CNTNAP1: variants seen among roughly 807,000 people sequenced by gnomAD.
CNTNAP1 encodes contactin-associated protein 1.
A neutral mutation model predicts 161.5 loss-of-function variants in CNTNAP1; 80 were observed. The observed-to-expected ratio is 0.50, with a 90% CI of 0.41 to 0.60. The LOEUF (loss-of-function observed/expected upper bound fraction) is 0.60, where lower values mean the gene tolerates loss of function less well. CNTNAP1 is among the 20% of genes least tolerant of loss of function. The pLI is 0.00. For missense variants in CNTNAP1, 1,464 were observed against 1,854.8 expected (o/e 0.79, Z 3.87); for synonymous variants, 695 against 733.1 (o/e 0.95, Z 0.84).
chr17:42,686,949 A>G lies in CNTNAP1; in HGVS notation c.947A>G (p.Tyr316Cys), dbSNP rs2053024318. 3 of 1,613,846 alleles carry G rather than the reference A, an allele frequency of 1.9e-6. No individual in the cohort carries two copies. Among genetic ancestry groups the G allele is most frequent in the Non-Finnish European group, 2.5e-6 (3 of 1,179,832 alleles). The change falls in exon 7 of 24, where the codon TAT (tyrosine) becomes TGT (cysteine). Residue 316 changes from tyrosine (Y) to cysteine (C), a missense_variant. Tyr to Cys is a radical substitution (Grantham distance 194). Coordinates refer to ENST00000264638, the MANE Select transcript of CNTNAP1 (RefSeq NM_003632.3). ...LVGAARKNLA[Y>C]RHNFRGCIEN... ...GGCGCCGCGCGGAAGAACCTGGCCTATCGGCATAACTTCCGCGGCTGCATA... is the reference window on the plus strand; with the variant it reads ...GGCGCCGCGCGGAAGAACCTGGCCTGTCGGCATAACTTCCGCGGCTGCATA...
At position 42,685,762 on chromosome 17, in the gene CNTNAP1, G is replaced by T. The variant is rs192603703; in HGVS notation, c.716-195G>T. Among the ~76,000 whole-genome samples, 7 of 152,304 alleles carry T rather than the reference G, an allele frequency of 4.6e-5. No homozygotes were observed. The highest frequency in any genetic ancestry group is 1.0e-4 in the Non-Finnish European group (7 of 68,028). ...CGCACATGAAATAGAAGCAGCTCATGTGTTCCCAGTTTTACAGACAGGAAG... is the reference window on the plus strand; with the variant it reads ...CGCACATGAAATAGAAGCAGCTCATTTGTTCCCAGTTTTACAGACAGGAAG... On this transcript the variant is annotated intron_variant, in intron 5 of 23. Transcript: ENST00000264638. This position sits in a 1 kb window ranked among gnomAD's most constrained non-coding sequence, Gnocchi z 5.0.
intron 18 of CNTNAP1, among the ~76,000 whole-genome samples, chr17:42,693,743 T>G (rs1216308928): frequency 6.6e-6 from 1 of 152,142 alleles, no homozygotes; most frequent in Non-Finnish European, 1.5e-5. Context: ...TACAGATAGC[T>G]GGTGCAAAAA....
At chr17:42,683,078 G>GCGCC (rs2052957981) in intron 1 of CNTNAP1, 182 bp downstream of exon 1, 2 of 655,586 alleles carry the variant, frequency 3.1e-6, no homozygotes, top group Non-Finnish European at 2.5e-6. Context: ...GCTGCCGCGC[G>GCGCC]CGCCCGGGGC....
chr17:42,688,970 C>T lies in CNTNAP1; in HGVS notation c.1551C>T (p.Val517=), dbSNP rs2053052550. The T allele has an allele frequency of 6.2e-7, 1 of 1,613,634 alleles. No individual in the cohort carries two copies. Among genetic ancestry groups the T allele is most frequent in the Non-Finnish European group, 8.5e-7 (1 of 1,179,778 alleles). Reference sequence around the variant, plus strand: ...TGCTCAAGGTGGATGGTCAACTGGTCAACCTGACTCTGGTGGAGGGCCGGC... The same window carrying T: ...TGCTCAAGGTGGATGGTCAACTGGTTAACCTGACTCTGGTGGAGGGCCGGC... ...MELLKVDGQL[V]NLTLVEGRRL... is the part of the protein sequence containing the mutation. Residue 517 remains valine (V), a synonymous_variant, in exon 10 of 24, where the codon GTC becomes GTT. Transcript: ENST00000264638.
chr17:42,699,164 A>C lies in CNTNAP1; in HGVS notation c.*254A>C, dbSNP rs2053194991. The C allele has an allele frequency of 7.2e-6, 3 of 415,968 alleles. No individual in the cohort carries two copies. The highest frequency in any genetic ancestry group is 4.1e-5 in the Admixed American group (1 of 24,426). 25.8% of individuals were successfully genotyped at this position (415,968 alleles called of 1,614,324 possible). ...GCTCCTGGCTGTTTATCTGCCCCAA[A>C]GGAGAAGCCTCATGGGGTTGACATA... On this transcript the variant is annotated 3_prime_UTR_variant, in exon 24 of 24. Coordinates refer to ENST00000264638, the MANE Select transcript of CNTNAP1 (RefSeq NM_003632.3).
In CNTNAP1 at chr17:42,697,967, A is replaced by C. The variant is rs763116460; in HGVS notation, c.3862+17A>C. ...TTTTAGGCTGTGAGTAGCACTGATC[A>C]CTAAGCTGACCTCCCAAGACTACCC... On this transcript the variant is annotated intron_variant, in intron 23 of 23. Coordinates refer to ENST00000264638, the MANE Select transcript of CNTNAP1 (RefSeq NM_003632.3). The C allele has an allele frequency of 5.0e-6, 8 of 1,614,084 alleles. No homozygotes were observed. The South Asian group carries it at 8.8e-5, about 18-fold the overall frequency.
chr17:42,689,371 T>C (rs1022772528), intron 10 of CNTNAP1, 150 bp from the exon 11 acceptor site: 2 of 632,270 alleles, frequency 3.2e-6, no homozygotes, highest in African/African-American at 3.7e-5. Flanking sequence ...CTAGTGCCCC[T>C]GCATCTGCGC....
chr17:42,695,718 C>A lies in CNTNAP1; in HGVS notation c.3190C>A (p.Arg1064=). The A allele has an allele frequency of 3.1e-6, 5 of 1,614,168 alleles. No homozygotes were observed. Among genetic ancestry groups the A allele is most frequent in the Non-Finnish European group, 4.2e-6 (5 of 1,180,024 alleles). Residue 1064 remains arginine (R), a synonymous_variant, in exon 19 of 24, where the codon CGG becomes AGG. Coordinates refer to ENST00000264638, the MANE Select transcript of CNTNAP1 (RefSeq NM_003632.3). ...CGGGTACCGCCTGCCCGACTACCCC[C>A]GGCCTGGTCGGCCTGTGCCCGGTTA... ...GPGYRLPDYP[R]PGRPVPGYRG... is the part of the protein sequence containing the mutation.
Position 42,691,747 on chromosome 17 carries a change from C to T in CNTNAP1, c.2345-59C>T, listed in dbSNP as rs1203531724. On this transcript the variant is annotated intron_variant, in intron 15 of 23. Coordinates refer to ENST00000264638, the MANE Select transcript of CNTNAP1 (RefSeq NM_003632.3). The surrounding 1 kb of genome is among the most constrained non-coding windows in gnomAD (Gnocchi z 4.3). ...CCTTCCCTGCCCCCAACCCCAGGTT[C>T]TCTTCCTCCTCCACCCTCCAATCTC... is the stretch of plus-strand genomic sequence containing the variant. 5 of 1,566,738 alleles carry T rather than the reference C, an allele frequency of 3.2e-6. No homozygotes were observed. The highest frequency in any genetic ancestry group is 4.4e-6 in the Non-Finnish European group (5 of 1,141,146).
rs1334757465 is a variant in CNTNAP1 at position 42,685,916 on chromosome 17, C to T, written c.716-41C>T. The stretch of plus-strand genomic sequence containing the variant: ...CTAGGAGCTTGGACTCCATGGAGTT[C>T]TCCTGGCTTGAGGTTTCACTCTGTC... On this transcript the variant is annotated intron_variant, in intron 5 of 23. Coordinates refer to ENST00000264638, the MANE Select transcript of CNTNAP1 (RefSeq NM_003632.3). The surrounding 1 kb of genome is among the most constrained non-coding windows in gnomAD (Gnocchi z 5.0). The T allele has an allele frequency of 6.2e-7, 1 of 1,604,806 alleles. No individual in the cohort carries two copies. Among genetic ancestry groups the T allele is most frequent in the Non-Finnish European group, 8.5e-7 (1 of 1,173,074 alleles).
chr17:42,699,691 T>C lies in CNTNAP1; in HGVS notation c.*781T>C, dbSNP rs2053202225. ...TCCTCCGCTCAGAGATGCTGCTTCA[T>C]TTACCCAGGAGGTCATATTCTTTAT... On this transcript the variant is annotated 3_prime_UTR_variant, in exon 24 of 24. Coordinates refer to ENST00000264638, the MANE Select transcript of CNTNAP1 (RefSeq NM_003632.3). 6.5e-6 allele frequency: 1 copy of C among 152,830 alleles called. No individual in the cohort carries two copies. The highest frequency in any genetic ancestry group is 2.1e-4 in the South Asian group (1 of 4,836). 9.5% of individuals were successfully genotyped at this position (152,830 alleles called of 1,614,324 possible). A position where few individuals can be genotyped will look rare whatever the true frequency, so the allele number is the denominator to read the frequency against.
chr17:42,685,969 T>C lies in CNTNAP1; in HGVS notation c.728T>C (p.Ile243Thr). ...GCCCCACCCTCAGGCAGCAGCCCTA[T>C]CCAGCCAAGACCAGGTCACACCACC... ...LLHMSLGSSP[I>T]QPRPGHTTVS... The change falls in exon 6 of 24, where the codon ATC becomes ACC. Residue 243 changes from isoleucine to threonine, a missense_variant. Physicochemically the swap from Ile to Thr is moderately conservative, Grantham distance 89 (BLOSUM62 -1). This residue lies in a region of CNTNAP1 where 1,383 missense variants were observed against 1,765.0 expected (regional missense o/e 0.78). Transcript: ENST00000264638. This position sits in a 1 kb window ranked among gnomAD's most constrained non-coding sequence, Gnocchi z 5.0. The C allele has an allele frequency of 1.2e-6, 2 of 1,614,096 alleles. No homozygotes were observed. The highest frequency in any genetic ancestry group is 1.1e-5 in the South Asian group (1 of 91,064).
chr17:42,685,187 T>C lies in CNTNAP1; in HGVS notation c.512-30T>C. 1 of 1,611,872 alleles carries C rather than the reference T, an allele frequency of 6.2e-7. No individual in the cohort carries two copies. The highest frequency in any genetic ancestry group is 2.2e-5 in the East Asian group (1 of 44,828). ...GGGGCCTGGGAGACAGCCTCCCCAGTTCCCGGCCCACCTACGGTCCTTTGC... is the reference window on the plus strand; with the variant it reads ...GGGGCCTGGGAGACAGCCTCCCCAGCTCCCGGCCCACCTACGGTCCTTTGC... On this transcript the variant is annotated intron_variant, in intron 4 of 23. Transcript: ENST00000264638. The surrounding 1 kb of genome is among the most constrained non-coding windows in gnomAD (Gnocchi z 5.0).
rs749818499 is a variant in CNTNAP1, at chr17:42,683,801, A to T, written c.68-20A>T. ...CTGGGAGGGGCCAGCGCTGACTAAC[A>T]GTCGGTTTCCCTACCCTAGACGGCT... is the stretch of plus-strand genomic sequence containing the variant. On this transcript the variant is annotated intron_variant, in intron 1 of 23. Transcript: ENST00000264638. 6.2e-6 allele frequency: 10 copies of T among 1,607,276 alleles called. No homozygotes were observed. Among genetic ancestry groups the T allele is most frequent in the Non-Finnish European group, 8.5e-6 (10 of 1,178,884 alleles).
intron 1 of CNTNAP1, chr17:42,683,208 C>A: frequency 1.9e-6 from 1 of 524,674 alleles, no homozygotes. Context: ...TACTGGTGAC[C>A]GATACTAGGA....
intron 9 of CNTNAP1, 61 bp downstream of exon 9, chr17:42,688,672 C>T (rs2053048826): frequency 3.1e-6 from 5 of 1,606,400 alleles, no homozygotes; most frequent in Non-Finnish European, 4.3e-6. Context: ...CATCTAAGTC[C>T]ACCCAGATGG....
At chr17:42,683,650 A>C (rs1020376299) in intron 1 of CNTNAP1, 171 bp from the exon 2 acceptor site, 9 of 1,433,220 alleles carry the variant, frequency 6.3e-6, no homozygotes, top group Non-Finnish European at 9.1e-7. Flanking sequence ...CTGAGCATGC[A>C]GCTGTTGCTG....
chr17:42,682,815 G>T lies in CNTNAP1; in HGVS notation c.-15G>T, dbSNP rs535250945. On this transcript the variant is annotated 5_prime_UTR_variant, in exon 1 of 24. Transcript: ENST00000264638. ...CCGTTCACAGGGAGGCGGCTGCCGG[G>T]ACCGTCAGCCCTGCATGATGCATCT... is the stretch of plus-strand genomic sequence containing the variant. 2 of 1,561,880 alleles carry T rather than the reference G, an allele frequency of 1.3e-6. No individual in the cohort carries two copies. Among genetic ancestry groups the T allele is most frequent in the African/African-American group, 1.4e-5 (1 of 73,700 alleles).
intron 3 of CNTNAP1, 73 bp from the exon 4 acceptor site, chr17:42,684,918 C>G: frequency 5.8e-6 from 9 of 1,538,602 alleles, no homozygotes; most frequent in Middle Eastern, 1.8e-4. Flanking sequence ...GAGCGAGACT[C>G]TGTCTCAAAA....
Sources: gnomAD v4.1 joint callset for allele counts (sites outside exome capture counted in the v4.1 genomes callset) on GRCh38, gnomAD v4.1.1 for gene constraint, gnomAD v4.1.1 regional missense constraint, Gnocchi (gnomAD v3.1) non-coding constraint, MANE v1.5 for transcripts, NCBI Gene and HGNC (gene_info 2026-07-23, HGNC 2026-07-21) for gene names.